Variants in PALLD observed in about 807,000 individuals in gnomAD.
The protein encoded by PALLD is palladin.
Under a neutral mutation model 123.5 loss-of-function variants are expected in PALLD, and 61 were observed. That is an observed-to-expected ratio of 0.49 (90% CI 0.40 to 0.61). PALLD has a LOEUF of 0.61. Among genes scored for constraint, PALLD ranks in the 20% least tolerant of loss-of-function variants. PALLD has a pLI of 0.00. For synonymous variants in PALLD, 465 were observed against 496.4 expected, an observed-to-expected ratio of 0.94 and a Z score of 0.84; for missense variants, 1,273 against 1,377.0, an observed-to-expected ratio of 0.92 and a Z score of 1.20.
intron 10 of PALLD, among the ~76,000 whole-genome samples, chr4:168,747,388 A>G (rs952407322): frequency 2.6e-5 from 4 of 152,264 alleles, no homozygotes; most frequent in African/African-American, 7.2e-5. Flanking sequence ...AAAGCATAGA[A>G]ATCAAGAGAG....
intron 2 of PALLD, among the ~76,000 whole-genome samples, chr4:168,589,372 A>G (rs1479825443): frequency 6.6e-6 from 1 of 152,138 alleles, no homozygotes; most frequent in Non-Finnish European, 1.5e-5. Context: ...CCAAGATGAG[A>G]TCAGAAATTG....
Position 168,582,618 on chromosome 4 carries a change from G to A in PALLD, c.908+70206G>A, listed in dbSNP as rs140331241. ...GGAACATTTCTTTGATACCTATCTC[G>A]TTGAGAATTCTTATGAAAGGAGTTA... On this transcript the variant is annotated intron_variant, in intron 2 of 21. Transcript: ENST00000505667. Among the ~76,000 whole-genome samples, 14 of 152,106 alleles carry A rather than the reference G, an allele frequency of 9.2e-5. No individual in the cohort carries two copies. In the South Asian group the frequency reaches 1.2e-3, roughly 14 times the overall value.
intron 10 of PALLD, among the ~76,000 whole-genome samples, chr4:168,810,767 C>T (rs1360591835): frequency 6.6e-6 from 1 of 151,252 alleles, no homozygotes; most frequent in Non-Finnish European, 1.5e-5. Flanking sequence ...GAGATTGCGC[C>T]ACTGCAGTCC....
At chr4:168,799,964 A>G (rs537770775) in intron 10 of PALLD, among the ~76,000 whole-genome samples, 8 of 152,330 alleles carry the variant, frequency 5.3e-5, no homozygotes, top group African/African-American at 1.7e-4. Context: ...ATGAGGGCCT[A>G]TCACACTTAC....
intron 10 of PALLD, among the ~76,000 whole-genome samples, chr4:168,833,469 A>G (rs1744635860): frequency 6.6e-6 from 1 of 152,112 alleles, no homozygotes; most frequent in African/African-American, 2.4e-5. Flanking sequence ...AGAAACTAGC[A>G]CGAGAAAAGG....
chr4:168,556,494 T>G (rs1313255794), intron 2 of PALLD, among the ~76,000 whole-genome samples: 2 of 152,212 alleles, frequency 1.3e-5, no homozygotes, highest in Admixed American at 1.3e-4. Context: ...ATTTTTCATT[T>G]TTTAAAAATG....
chr4:168,621,591 C>T (rs1221050086), intron 2 of PALLD, among the ~76,000 whole-genome samples: 2 of 152,186 alleles, frequency 1.3e-5, no homozygotes, highest in African/African-American at 4.8e-5. Context: ...GCCTTTCTAT[C>T]TGGAATTTGT....
At chr4:168,656,607 C>G (rs1778597699) in intron 2 of PALLD, among the ~76,000 whole-genome samples, 1 of 152,120 alleles carries the variant, frequency 6.6e-6, no homozygotes, top group Admixed American at 6.5e-5. Flanking sequence ...TTACCCGAAA[C>G]AGTTATTATT....
intron 10 of PALLD, among the ~76,000 whole-genome samples, chr4:168,889,830 T>G (rs1340577426): frequency 6.6e-6 from 1 of 152,214 alleles, no homozygotes; most frequent in Non-Finnish European, 1.5e-5. Context: ...AAATCTGCAT[T>G]TCTAACAACT....
Position 168,658,073 on chromosome 4 carries a change from C to T in PALLD, c.909-10117C>T, listed in dbSNP as rs149646421. ...CCTTCATCTTTTTGGTGCAAAACAA[C>T]GACGAACCCCAGGTATTTACCCCAG... On this transcript the variant is annotated intron_variant, in intron 2 of 21. Transcript: ENST00000505667. Among the ~76,000 whole-genome samples the T allele has an allele frequency of 1.9e-3, 284 of 152,262 alleles. 1 individual carries two copies. The highest frequency in any genetic ancestry group is 6.2e-3 in the South Asian group (30 of 4,826).
At chr4:168,700,832 C>T (rs1783602204) in intron 8 of PALLD, 1 of 152,104 alleles carries the variant, frequency 6.6e-6, no homozygotes, top group African/African-American at 2.4e-5. Context: ...CACTTCACTC[C>T]AGCCTGGGCA....
chr4:168,878,214 T>G lies in PALLD; in HGVS notation c.1965-12708T>G, dbSNP rs1281589180. The G allele has an allele frequency of 6.6e-6, 10 of 1,518,662 alleles. No homozygotes were observed. The highest frequency in any genetic ancestry group is 8.8e-6 in the Non-Finnish European group (10 of 1,141,006). The allele number at this position is 1,518,662 out of a possible 1,614,324, so 94.1% of individuals were successfully genotyped here. Reference sequence around the variant, plus strand: ...GCTGCCTTCCCGGTGCCCGACGTGTTCCCACTGCCGCCGCCACCACCGCCG... The same window carrying G: ...GCTGCCTTCCCGGTGCCCGACGTGTGCCCACTGCCGCCGCCACCACCGCCG... On this transcript the variant is annotated intron_variant, in intron 10 of 21. Transcript: ENST00000505667.
At chr4:168,524,651 A>G (rs1206152564) in intron 2 of PALLD, among the ~76,000 whole-genome samples, 1 of 152,188 alleles carries the variant, frequency 6.6e-6, no homozygotes, top group Non-Finnish European at 1.5e-5. Context: ...ATCTGTCTCA[A>G]TGGAGTTTGG....
chr4:168,877,799 G>C, intron 10 of PALLD: 1 of 1,237,094 alleles, frequency 8.1e-7, no homozygotes, highest in Non-Finnish European at 1.0e-6. Context: ...GCCTCCGCCA[G>C]CCCCGCGCAG....
intron 2 of PALLD, among the ~76,000 whole-genome samples, chr4:168,608,276 C>T (rs549569043): frequency 5.3e-5 from 8 of 152,308 alleles, no homozygotes; most frequent in Admixed American, 6.5e-5. Context: ...TTCTCAGAGG[C>T]ATGAATCTGA....
chr4:168,693,313 T>G (rs1270509161), intron 8 of PALLD, among the ~76,000 whole-genome samples: 1 of 152,240 alleles, frequency 6.6e-6, no homozygotes, highest in Non-Finnish European at 1.5e-5. Flanking sequence ...CTATATACAC[T>G]CCTTCTGTTT....
rs747755592 is a variant in PALLD, at chr4:168,746,380, C to CAAAAAAAAAAAAAAAA, written c.1964+34472_1964+34487dup. Among the ~76,000 whole-genome samples the CAAAAAAAAAAAAAAAA allele has an allele frequency of 1.7e-3, 64 of 37,012 alleles. 5 individuals carry two copies. Among genetic ancestry groups the CAAAAAAAAAAAAAAAA allele is most frequent in the African/African-American group, 4.3e-3 (55 of 12,926 alleles). 24.3% of individuals were successfully genotyped at this position (37,012 alleles called of 152,430 possible). On this transcript the variant is annotated intron_variant, in intron 10 of 21. Coordinates refer to ENST00000505667, the MANE Select transcript of PALLD (RefSeq NM_001166108.2). Reference sequence around the variant, plus strand: ...TGGGCGACAGAGCGAGAACCCGTCTCAAAAAAAAAAAAAAAAAAAAAAAAA... The same window carrying CAAAAAAAAAAAAAAAA: ...TGGGCGACAGAGCGAGAACCCGTCTCAAAAAAAAAAAAAAAAAAAAAAAAAAAAAAAAAAAAAAAAA...
At chr4:168,552,975 C>T (rs1471937721) in intron 2 of PALLD, among the ~76,000 whole-genome samples, 1 of 152,116 alleles carries the variant, frequency 6.6e-6, no homozygotes, top group Non-Finnish European at 1.5e-5. Context: ...CACGCCCAGA[C>T]AATATGTGTT....
intron 1 of PALLD, among the ~76,000 whole-genome samples, chr4:168,509,611 T>C (rs1245596513): frequency 6.6e-6 from 1 of 152,130 alleles, no homozygotes; most frequent in Non-Finnish European, 1.5e-5. Context: ...TTTGGGTTAG[T>C]AAAGTCAGGG....
Sources: allele counts gnomAD v4.1 joint callset (sites outside exome capture counted in the v4.1 genomes callset), GRCh38; gene constraint gnomAD v4.1.1; transcripts MANE v1.5; gene names NCBI Gene and HGNC (gene_info 2026-07-23, HGNC 2026-07-21).